The following FABP12 variants were observed in gnomAD, a reference collection of about 807,000 sequenced individuals.
FABP12 encodes fatty acid binding protein 12.
FABP12 carries 19 observed loss-of-function variants against 13.7 expected under a neutral mutation model. The observed-to-expected ratio is 1.39, with a 90% CI of 0.97 to 2.04. The LOEUF is 2.04. FABP12 is among the 30% of genes most tolerant of loss of function. The pLI is 0.00. For missense variants in FABP12, 182 were observed against 164.2 expected, an observed-to-expected ratio of 1.11 and a Z score of -0.59; for synonymous variants, 61 against 57.0, an observed-to-expected ratio of 1.07 and a Z score of -0.32.
Position 81,557,832 on chromosome 8 carries a change from A to G in FABP12, c.-184-18089T>C, listed in dbSNP as rs370786900. On this transcript the variant is annotated intron_variant, in intron 1 of 5. Transcript: ENST00000692030. ...AAAAGCTTTTTTTTCCTGTAAAATC[A>G]TTTAAATTTGGTTTTAAAATCTCAT... 2.3e-4 allele frequency among the ~76,000 whole-genome samples: 35 copies of G among 152,324 alleles called. No homozygotes were observed. The East Asian group carries it at 4.2e-3, about 18-fold the overall frequency.
At chr8:81,576,801 C>T (rs1318831216) in intron 1 of FABP12, among the ~76,000 whole-genome samples, 1 of 152,174 alleles carries the variant, frequency 6.6e-6, no homozygotes, top group East Asian at 1.9e-4. Flanking sequence ...GTCAGGAGTT[C>T]TATTCCATGT....
chr8:81,551,706 T>G (rs955803606), intron 1 of FABP12, among the ~76,000 whole-genome samples: 1 of 152,160 alleles, frequency 6.6e-6, no homozygotes, highest in African/African-American at 2.4e-5. Context: ...TCTGGAATGC[T>G]GAGAAAAATT....
intron 1 of FABP12, among the ~76,000 whole-genome samples, chr8:81,584,999 A>C (rs1006493567): frequency 3.3e-5 from 5 of 152,106 alleles, no homozygotes; most frequent in Non-Finnish European, 7.4e-5. Context: ...TGTCAGATGG[A>C]TAGTTAGCAA....
At chr8:81,566,819 C>T (rs372843192) in intron 1 of FABP12, among the ~76,000 whole-genome samples, 15 of 151,948 alleles carry the variant, frequency 9.9e-5, no homozygotes, top group African/African-American at 1.7e-4. Flanking sequence ...AGCAATCAGA[C>T]GGGAGAAAGA....
intron 1 of FABP12, among the ~76,000 whole-genome samples, chr8:81,561,280 C>G (rs1242078053): frequency 6.6e-6 from 1 of 152,104 alleles, no homozygotes; most frequent in Non-Finnish European, 1.5e-5. Context: ...GGAAAATAAT[C>G]TATATAATAG....
At chr8:81,539,887 G>A (rs2129983352) in intron 1 of FABP12, among the ~76,000 whole-genome samples, 1 of 152,298 alleles carries the variant, frequency 6.6e-6, no homozygotes, top group East Asian at 1.9e-4. Context: ...CTGAGCACTT[G>A]CCCCCAGGCT....
chr8:81,540,938 C>T (rs1032166297), intron 1 of FABP12, among the ~76,000 whole-genome samples: 10 of 152,010 alleles, frequency 6.6e-5, no homozygotes, highest in East Asian at 3.9e-4. Context: ...GAGGCCGAGG[C>T]GGGTGGATCA....
At chr8:81,527,396 CT>C (rs1317644753) in intron 3 of FABP12, among the ~76,000 whole-genome samples, 2 of 151,886 alleles carry the variant, frequency 1.3e-5, no homozygotes, top group Non-Finnish European at 2.9e-5. Context: ...GAGTTTTGCT[CT>C]TGTCACCCAG....
At chr8:81,579,074 C>T (rs933408904) in intron 1 of FABP12, among the ~76,000 whole-genome samples, 1 of 151,888 alleles carries the variant, frequency 6.6e-6, no homozygotes, top group African/African-American at 2.4e-5. Context: ...GTGATCCACC[C>T]GCCTCTGCCT....
chr8:81,545,937 TC>T (rs1809428870), intron 1 of FABP12, among the ~76,000 whole-genome samples: 1 of 152,164 alleles, frequency 6.6e-6, no homozygotes, highest in Non-Finnish European at 1.5e-5. Flanking sequence ...CCCACTCTCA[TC>T]CCTGGAGTTG....
chr8:81,554,211 G>A (rs1809570330), intron 1 of FABP12, among the ~76,000 whole-genome samples: 1 of 152,114 alleles, frequency 6.6e-6, no homozygotes, highest in Non-Finnish European at 1.5e-5. Context: ...TAATGGCAAG[G>A]GAGTGTTGGG....
rs781371989 is a variant in FABP12 at position 81,543,074 on chromosome 8, C to T, written c.-184-3331G>A. ...TTCTGATATAATCTCCAATTTAGGA[C>T]CTTTAAGCTTAACATTTTCACACTT... On this transcript the variant is annotated intron_variant, in intron 1 of 5. Transcript: ENST00000692030. Among the ~76,000 whole-genome samples the T allele has an allele frequency of 8.6e-4, 131 of 152,226 alleles. 1 individual carries two copies. The highest frequency in any genetic ancestry group is 3.9e-3 in the Admixed American group (59 of 15,298).
chr8:81,545,113 C>T (rs764423653), intron 1 of FABP12, among the ~76,000 whole-genome samples: 1 of 152,108 alleles, frequency 6.6e-6, no homozygotes, highest in Non-Finnish European at 1.5e-5. Context: ...CTCCACCTCT[C>T]GGGTTCAAGC....
intron 1 of FABP12, among the ~76,000 whole-genome samples, chr8:81,567,081 T>G (rs551148427): frequency 1.0e-3 from 153 of 152,042 alleles, no homozygotes; most frequent in African/African-American, 3.6e-3. Flanking sequence ...TAAATACCAA[T>G]AAATTAATTT....
At chr8:81,563,980 T>C (rs1270215726) in intron 1 of FABP12, among the ~76,000 whole-genome samples, 1 of 152,000 alleles carries the variant, frequency 6.6e-6, no homozygotes, top group Non-Finnish European at 1.5e-5. Flanking sequence ...TATGACTACC[T>C]CAAAACATTT....
At chr8:81,580,737 C>A (rs1289412392) in intron 1 of FABP12, among the ~76,000 whole-genome samples, 1 of 152,126 alleles carries the variant, frequency 6.6e-6, no homozygotes, top group African/African-American at 2.4e-5. Context: ...TCAGCTGGAC[C>A]CTAGGCACAA....
intron 1 of FABP12, among the ~76,000 whole-genome samples, chr8:81,563,068 C>G (rs186642284): frequency 1.0e-3 from 153 of 152,352 alleles, no homozygotes; most frequent in African/African-American, 3.6e-3. Flanking sequence ...CAGCTCCAGG[C>G]AGCTCAGCAC....
chr8:81,588,098 C>A (rs919912192), intron 1 of FABP12, among the ~76,000 whole-genome samples: 1 of 152,178 alleles, frequency 6.6e-6, no homozygotes, highest in African/African-American at 2.4e-5. Context: ...AGATGATCCC[C>A]ACCCAGTTTT....
chr8:81,581,599 T>C (rs764794439), intron 1 of FABP12, among the ~76,000 whole-genome samples: 6 of 152,102 alleles, frequency 3.9e-5, no homozygotes, highest in Non-Finnish European at 8.8e-5. Context: ...TAGTCACTTA[T>C]AAAAGAACCC....
Sources: gnomAD v4.1 joint callset for allele counts (sites outside exome capture counted in the v4.1 genomes callset) on GRCh38, gnomAD v4.1.1 for gene constraint, MANE v1.5 for transcripts, NCBI Gene and HGNC (gene_info 2026-07-23, HGNC 2026-07-21) for gene names.